NOP14: variants seen among roughly 807,000 people sequenced by gnomAD.
NOP14 encodes the protein nucleolar protein 14.
In NOP14, 57 loss-of-function variants were observed where a neutral mutation model predicts 101.6. The ratio of observed to expected loss-of-function variants is 0.56; its 90% CI spans 0.45 to 0.70. The LOEUF (loss-of-function observed/expected upper bound fraction) is 0.70. Ranked by LOEUF, NOP14 falls within the 30% of genes least tolerant of loss-of-function variation. The pLI is 0.00. For synonymous variants in NOP14, 428 were observed against 424.0 expected, an observed-to-expected ratio of 1.01 and a Z score of -0.12; for missense variants, 1,134 against 1,075.5, an observed-to-expected ratio of 1.05 and a Z score of -0.76.
At chr4:2,944,339 A>G in intron 12 of NOP14, 113 bp from the exon 13 acceptor site, 1 of 852,332 alleles carries the variant, frequency 1.2e-6, no homozygotes, top group Non-Finnish European at 1.8e-6. Flanking sequence ...ACAAGTACAG[A>G]GGGAACCCCC....
intron 8 of NOP14, among the ~76,000 whole-genome samples, chr4:2,949,500 G>A (rs147986232): frequency 6.6e-6 from 1 of 152,254 alleles, no homozygotes; most frequent in African/African-American, 2.4e-5. Context: ...CCACGCACCT[G>A]GCCTGGACAA....
At chr4:2,945,892 C>A (rs548948819) in intron 11 of NOP14, among the ~76,000 whole-genome samples, 103 of 152,330 alleles carry the variant, frequency 6.8e-4, no homozygotes, top group Admixed American at 4.8e-3. Context: ...GTGCCCTCCC[C>A]TCCCAGGCTC....
intron 1 of NOP14, among the ~76,000 whole-genome samples, chr4:2,960,182 G>T (rs954918605): frequency 6.6e-6 from 1 of 152,032 alleles, no homozygotes; most frequent in Non-Finnish European, 1.5e-5. Context: ...GTGTTGCCCA[G>T]GCTGGTTTCG....
intron 8 of NOP14, among the ~76,000 whole-genome samples, chr4:2,948,979 A>T (rs2109303642): frequency 6.6e-6 from 1 of 152,242 alleles, no homozygotes; most frequent in East Asian, 1.9e-4. Context: ...GAATTTGCTA[A>T]AACACCCACA....
In NOP14 at chr4:2,958,019, A is replaced by G. The variant is rs530348961; in HGVS notation, c.196-279T>C. On this transcript the variant is annotated intron_variant, in intron 1 of 17. Transcript: ENST00000416614. ...AAAAAAGAACACACTAGTCAAGCTC[A>G]AGGCATGAATGGCTCCCTCGGCTGT... Among the ~76,000 whole-genome samples, 36 of 152,320 alleles carry G rather than the reference A, an allele frequency of 2.4e-4. 1 individual carries two copies. Among genetic ancestry groups the G allele is most frequent in the Admixed American group, 2.2e-3 (33 of 15,300 alleles).
chr4:2,939,932 G>A (rs1709533011), intron 15 of NOP14, among the ~76,000 whole-genome samples: 1 of 152,236 alleles, frequency 6.6e-6, no homozygotes, highest in Non-Finnish European at 1.5e-5. Context: ...GACTTGGGGA[G>A]TTGGAGGTCA....
intron 10 of NOP14, chr4:2,947,113 G>T (rs934494109): frequency 4.1e-6 from 1 of 241,056 alleles, no homozygotes; most frequent in Admixed American, 5.2e-5. Flanking sequence ...TCCCCATGCA[G>T]ACAAGAGGTA....
At chr4:2,941,444 C>T (rs553082821) in intron 15 of NOP14, 138 bp downstream of exon 15, 1 of 748,560 alleles carries the variant, frequency 1.3e-6, no homozygotes, top group Admixed American at 2.7e-5. Context: ...GATTTTACTT[C>T]CCTTCATATT....
At chr4:2,959,445 T>A (rs546407905) in intron 1 of NOP14, among the ~76,000 whole-genome samples, 1 of 151,558 alleles carries the variant, frequency 6.6e-6, no homozygotes. Flanking sequence ...ACAAAAAAAT[T>A]AGCCGGGTGT....
At chr4:2,950,328 A>T in intron 7 of NOP14, 115 bp from the exon 8 acceptor site, 2 of 1,131,496 alleles carry the variant, frequency 1.8e-6, no homozygotes, top group South Asian at 1.4e-5. Flanking sequence ...GTTGCAAGGA[A>T]CACAAACCTG....
chr4:2,953,243 C>T (rs1044050357), intron 5 of NOP14, among the ~76,000 whole-genome samples: 1 of 152,228 alleles, frequency 6.6e-6, no homozygotes, highest in African/African-American at 2.4e-5. Context: ...AGTTCAGACA[C>T]CTATTCTAAC....
At chr4:2,960,713 T>C (rs1406787180) in intron 1 of NOP14, among the ~76,000 whole-genome samples, 10 of 136,188 alleles carry the variant, frequency 7.3e-5, no homozygotes, top group African/African-American at 2.3e-4. Context: ...ATTAATATAT[T>C]AATATTATAA....
intron 5 of NOP14, among the ~76,000 whole-genome samples, chr4:2,952,762 G>A (rs1433657050): frequency 1.3e-5 from 2 of 152,178 alleles, no homozygotes; most frequent in Non-Finnish European, 2.9e-5. Context: ...GCCCAACATG[G>A]TGAAACCCTG....
chr4:2,949,826 G>T, intron 8 of NOP14, 108 bp downstream of exon 8: 2 of 1,283,222 alleles, frequency 1.6e-6, no homozygotes, highest in Non-Finnish European at 2.2e-6. Context: ...GGGCATCCTT[G>T]GTCCCCATTC....
intron 1 of NOP14, among the ~76,000 whole-genome samples, chr4:2,957,976 G>A (rs544865250): frequency 3.3e-5 from 5 of 152,240 alleles, no homozygotes; most frequent in South Asian, 2.1e-4. Context: ...AGAGTCTACC[G>A]GTGCCAAAAG....
intron 7 of NOP14, 171 bp from the exon 8 acceptor site, chr4:2,950,384 G>A (rs1346367976): frequency 6.1e-6 from 4 of 660,572 alleles, no homozygotes; most frequent in South Asian, 1.9e-5. Context: ...CCCACCACCC[G>A]CTTCTAGGCT....
At chr4:2,958,607 T>A (rs972402578) in intron 1 of NOP14, among the ~76,000 whole-genome samples, 3 of 152,234 alleles carry the variant, frequency 2.0e-5, no homozygotes, top group African/African-American at 7.2e-5. Flanking sequence ...AATCGGTGCC[T>A]CGGCAGACAT....
rs1276309331 is a variant in NOP14, at chr4:2,938,400, A to G, written c.*431T>C. The G allele has an allele frequency of 4.2e-5, 16 of 381,852 alleles. No individual in the cohort carries two copies. Among genetic ancestry groups the G allele is most frequent in the East Asian group, 1.5e-4 (2 of 12,980 alleles). The allele number at this position is 381,852 out of a possible 1,614,324, so 23.7% of individuals were successfully genotyped here. A position where few individuals can be genotyped will look rare whatever the true frequency, so the allele number is the denominator to read the frequency against. ...CTGGGCGTGGTGGCACATGTCTGTA[A>G]TCCCAGCTACTCGGGAGGCTGAGGC... On this transcript the variant is annotated 3_prime_UTR_variant, in exon 18 of 18. Coordinates refer to ENST00000416614, the MANE Select transcript of NOP14 (RefSeq NM_001291978.2).
chr4:2,949,141 TCTC>T (rs1714849048), intron 8 of NOP14, among the ~76,000 whole-genome samples: 2 of 152,198 alleles, frequency 1.3e-5, no homozygotes. Context: ...ACCACTAGCT[TCTC>T]CTCTGGAAGC....
Sources: allele counts gnomAD v4.1 joint callset (sites outside exome capture counted in the v4.1 genomes callset), GRCh38; gene constraint gnomAD v4.1.1; transcripts MANE v1.5; gene names NCBI Gene and HGNC (gene_info 2026-07-23, HGNC 2026-07-21).